HDAC3: variants seen among roughly 807,000 people sequenced by gnomAD.
The protein encoded by HDAC3 is SMAP45.
A neutral mutation model predicts 62.3 loss-of-function variants in HDAC3; 21 were observed. The ratio of observed to expected loss-of-function variants is 0.34; its 90% confidence interval spans 0.24 to 0.49. The LOEUF is 0.49. Among genes scored for constraint, HDAC3 ranks in the 20% least tolerant of loss-of-function variants. HDAC3 has a pLI of 0.99. For synonymous variants in HDAC3, 198 were observed against 206.5 expected, an observed-to-expected ratio of 0.96 and a Z score of 0.35; for missense variants, 270 against 556.9, an observed-to-expected ratio of 0.48 and a Z score of 5.19.
At chr5:141,635,599 G>C (rs368586000) in intron 2 of HDAC3, among the ~76,000 whole-genome samples, 6 of 152,196 alleles carry the variant, frequency 3.9e-5, no homozygotes, top group East Asian at 1.9e-4. Flanking sequence ...AACACATAAA[G>C]CCTGGGTTTA....
intron 10 of HDAC3, 53 bp downstream of exon 10, chr5:141,627,840 G>A: frequency 6.5e-7 from 1 of 1,536,412 alleles, no homozygotes; most frequent in South Asian, 1.1e-5. Flanking sequence ...CCCACGTACT[G>A]AAGTCCAAGG....
At chr5:141,631,641 C>T (rs1333275745) in intron 3 of HDAC3, among the ~76,000 whole-genome samples, 1 of 152,140 alleles carries the variant, frequency 6.6e-6, no homozygotes, top group Non-Finnish European at 1.5e-5. Context: ...CAATGAGAGA[C>T]AATACAGGAG....
rs2099906079 is a variant in HDAC3, at chr5:141,636,769, A to G, written c.22T>C (p.Phe8Leu). 6.2e-7 allele frequency: 1 copy of G among 1,613,828 alleles called. No homozygotes were observed. The change falls in exon 1 of 15, where the codon TTC becomes CTC. Residue 8 changes from phenylalanine to leucine, a missense_variant. Phe to Leu is a conservative substitution (Grantham distance 22). Around this residue, in one of 5 missense-constraint regions of HDAC3, gnomAD observed 22 missense variants for 21.3 expected, o/e 1.03. Transcript: ENST00000305264. ...AAGTTGCCCACGTCGGGGTCGTAGA[A>G]ATAGGCCACGGTCTTGGCCATGGTG... MAKTVAY[F>L]YDPDVGNFHY...
chr5:141,632,020 ATT>A (rs376573720), intron 3 of HDAC3, among the ~76,000 whole-genome samples: 3,340 of 136,864 alleles, frequency 0.024, 67 homozygotes, highest in Non-Finnish European at 0.037. Context: ...GAGGTCTGGA[ATT>A]TTTTTTTTTT....
chr5:141,622,601 C>CA (rs113207854), intron 14 of HDAC3, among the ~76,000 whole-genome samples: 16,623 of 128,814 alleles, frequency 0.13, 987 homozygotes, highest in South Asian at 0.17. Flanking sequence ...GACTCCATCT[C>CA]AAAAAAAAAA....
intron 14 of HDAC3, among the ~76,000 whole-genome samples, chr5:141,622,091 A>C (rs1204985496): frequency 1.3e-5 from 2 of 152,172 alleles, no homozygotes; most frequent in African/African-American, 4.8e-5. Flanking sequence ...TGCATGGAGG[A>C]GAGTAGTTAG....
At position 141,626,617 on chromosome 5, in the gene HDAC3, G is replaced by A. The variant is rs2099904458; in HGVS notation, c.831-334C>T. 3.3e-6 allele frequency: 1 copy of A among 307,574 alleles called. No individual in the cohort carries two copies. The highest frequency in any genetic ancestry group is 6.3e-6 in the Non-Finnish European group (1 of 158,578). 19.1% of individuals were successfully genotyped at this position (307,574 alleles called of 1,614,324 possible). A position where few individuals can be genotyped will look rare whatever the true frequency, so the allele number is the denominator to read the frequency against. On this transcript the variant is annotated intron_variant, in intron 10 of 14. Transcript: ENST00000305264. This position sits in a 1 kb window ranked among gnomAD's most constrained non-coding sequence, Gnocchi z 4.6. ...CGCCCGGCGCGGTGCTCACGCCTTT[G>A]TAGTAGTCCCAGCTACTCAGGAGGC...
chr5:141,636,809 C>A lies in HDAC3; in HGVS notation c.-19G>T, dbSNP rs372091597. The A allele has an allele frequency of 4.6e-6, 7 of 1,529,562 alleles. No individual in the cohort carries two copies. Among genetic ancestry groups the A allele is most frequent in the African/African-American group, 4.3e-5 (3 of 69,978 alleles). 94.7% of individuals were successfully genotyped at this position (1,529,562 alleles called of 1,614,324 possible). On this transcript the variant is annotated 5_prime_UTR_variant, in exon 1 of 15. Coordinates refer to ENST00000305264, the MANE Select transcript of HDAC3 (RefSeq NM_003883.4). ...TGGCCATGGTGCCGGCGGGAGCAGG[C>A]CCCGCACCTCCGCCGCCCGCCGCCC...
Position 141,626,410 on chromosome 5 carries a change from A to G in HDAC3, c.831-127T>C. The G allele has an allele frequency of 1.4e-6, 1 of 720,822 alleles. No individual in the cohort carries two copies. Among genetic ancestry groups the G allele is most frequent in the Middle Eastern group, 2.4e-4 (1 of 4,190 alleles). 44.7% of individuals were successfully genotyped at this position (720,822 alleles called of 1,614,324 possible). A position where few individuals can be genotyped will look rare whatever the true frequency, so the allele number is the denominator to read the frequency against. On this transcript the variant is annotated intron_variant, in intron 10 of 14. Coordinates refer to ENST00000305264, the MANE Select transcript of HDAC3 (RefSeq NM_003883.4). The surrounding 1 kb of genome is among the most constrained non-coding windows in gnomAD (Gnocchi z 4.6). ...TCTAAATCTTTATCTTGATAGTGAA[A>G]TTCATTATGTTATACCCTTAAGATT...
chr5:141,627,825 C>T (rs2099904659), intron 10 of HDAC3, 68 bp downstream of exon 10: 1 of 1,378,492 alleles, frequency 7.3e-7, no homozygotes, highest in East Asian at 2.3e-5. Flanking sequence ...CCCCAACTAC[C>T]CCCACCCACG....
Position 141,626,319 on chromosome 5 carries a change from T to C in HDAC3, c.831-36A>G. 1 of 1,534,296 alleles carries C rather than the reference T, an allele frequency of 6.5e-7. No homozygotes were observed. Among genetic ancestry groups the C allele is most frequent in the Non-Finnish European group, 9.0e-7 (1 of 1,108,604 alleles). The stretch of plus-strand genomic sequence containing the variant: ...GAACCAGAGGAAGATGTGGAGGAGG[T>C]TATCAAAAGACAAGGTAAATACCTT... On this transcript the variant is annotated intron_variant, in intron 10 of 14. Transcript: ENST00000305264. The surrounding 1 kb of genome is among the most constrained non-coding windows in gnomAD (Gnocchi z 4.6).
At chr5:141,622,071 G>A (rs556463147) in intron 14 of HDAC3, among the ~76,000 whole-genome samples, 17 of 152,274 alleles carry the variant, frequency 1.1e-4, no homozygotes, top group Non-Finnish European at 2.4e-4. Context: ...CAGGACAGCC[G>A]GGAGCACTGT....
chr5:141,625,515 C>T lies in HDAC3; in HGVS notation c.1060-150G>A. 1 of 1,095,352 alleles carries T rather than the reference C, an allele frequency of 9.1e-7. No homozygotes were observed. The highest frequency in any genetic ancestry group is 1.4e-6 in the Non-Finnish European group (1 of 732,002). The allele number at this position is 1,095,352 out of a possible 1,614,324, so 67.9% of individuals were successfully genotyped here. On this transcript the variant is annotated intron_variant, in intron 13 of 14. Transcript: ENST00000305264. This position sits in a 1 kb window ranked among gnomAD's most constrained non-coding sequence, Gnocchi z 4.0. ...CCCAACTGATAGCTCTCCCTCCCCA[C>T]CAACCCCAACTGCCTCTACTTTAAA...
chr5:141,626,687 G>A lies in HDAC3; in HGVS notation c.831-404C>T, dbSNP rs1198662478. Among the ~76,000 whole-genome samples the A allele has an allele frequency of 6.6e-6, 1 of 151,540 alleles. No homozygotes were observed. The highest frequency in any genetic ancestry group is 1.5e-5 in the Non-Finnish European group (1 of 67,946). The stretch of plus-strand genomic sequence containing the variant: ...GAACCCAGGAGGCAGAGCTTGCACT[G>A]AGCCAAGATCGTGCCACTGCACTCC... On this transcript the variant is annotated intron_variant, in intron 10 of 14. Transcript: ENST00000305264. The surrounding 1 kb of genome is among the most constrained non-coding windows in gnomAD (Gnocchi z 4.6).
At position 141,629,664 on chromosome 5, in the gene HDAC3, T is replaced by C; in HGVS notation, c.476+20A>G. The C allele has an allele frequency of 6.2e-7, 1 of 1,612,850 alleles. No homozygotes were observed. Among genetic ancestry groups the C allele is most frequent in the Non-Finnish European group, 8.5e-7 (1 of 1,179,530 alleles). On this transcript the variant is annotated intron_variant, in intron 6 of 14. Transcript: ENST00000305264. The surrounding 1 kb of genome is among the most constrained non-coding windows in gnomAD (Gnocchi z 5.3). ...GCCAAGAATCCCGTAACTGCCCCCA[T>C]CTCCTCCTGGGCTACTTACTTGAGC...
intron 2 of HDAC3, chr5:141,635,867 C>G (rs372614550): frequency 4.6e-5 from 7 of 152,290 alleles, no homozygotes; most frequent in African/African-American, 1.7e-4. Flanking sequence ...TTCAACCTCC[C>G]AAAGTGCTGG....
intron 2 of HDAC3, 151 bp downstream of exon 2, chr5:141,636,397 C>T (rs2099906010): frequency 1.4e-6 from 1 of 695,988 alleles, no homozygotes. Flanking sequence ...CCCCCAACAC[C>T]CTGCACTTTC....
intron 3 of HDAC3, among the ~76,000 whole-genome samples, chr5:141,630,952 G>T (rs921820630): frequency 6.7e-6 from 1 of 149,010 alleles, no homozygotes; most frequent in African/African-American, 2.5e-5. Context: ...CTCCCAAATT[G>T]TTGGGACTAC....
rs2099904707 is a variant in HDAC3, at chr5:141,628,105, C to G, written c.765+9G>C. On this transcript the variant is annotated intron_variant, in intron 9 of 14. Transcript: ENST00000305264. This position sits in a 1 kb window ranked among gnomAD's most constrained non-coding sequence, Gnocchi z 4.7. Reference sequence around the variant, plus strand: ...CAGAACACTCCTGAGGAGGAACTGACAGTATTACCTGGAGCACAATGCACG... The same window carrying G: ...CAGAACACTCCTGAGGAGGAACTGAGAGTATTACCTGGAGCACAATGCACG... 1 of 1,613,208 alleles carries G rather than the reference C, an allele frequency of 6.2e-7. No homozygotes were observed.
Sources: allele counts gnomAD v4.1 joint callset (sites outside exome capture counted in the v4.1 genomes callset), GRCh38; gene constraint gnomAD v4.1.1; regional missense constraint gnomAD v4.1.1; non-coding constraint Gnocchi (gnomAD v3.1); transcripts MANE v1.5; gene names NCBI Gene and HGNC (gene_info 2026-07-23, HGNC 2026-07-21).